The following CCDC88C variants were observed in gnomAD, a reference collection of about 807,000 sequenced individuals.
CCDC88C encodes coiled-coil and HOOK domain protein 88C, also known as protein Daple.
In CCDC88C, 131 loss-of-function variants were observed where a neutral mutation model predicts 198.8. The observed-to-expected ratio is 0.66, with a 90% CI of 0.57 to 0.76. The LOEUF (loss-of-function observed/expected upper bound fraction) is 0.76. Among genes scored for constraint, CCDC88C ranks in the 30% least tolerant of loss-of-function variants. The probability of loss-of-function intolerance (pLI) is 0.00; values close to 1 mark genes in which losing one functional copy is unlikely to be tolerated. For missense variants in CCDC88C, 2,553 were observed against 2,631.6 expected, an observed-to-expected ratio of 0.97 and a Z score of 0.65; for synonymous variants, 1,166 against 1,114.7, an observed-to-expected ratio of 1.05 and a Z score of -0.92.
chr14:91,299,202 C>T (rs1423058379), intron 21 of CCDC88C, among the ~76,000 whole-genome samples: 1 of 152,222 alleles, frequency 6.6e-6, no homozygotes, highest in Non-Finnish European at 1.5e-5. Context: ...TCACAGCCAA[C>T]AGCACTATAA....
In CCDC88C at chr14:91,281,534, A is replaced by G; in HGVS notation, c.4631-9T>C. The G allele has an allele frequency of 6.2e-7, 1 of 1,613,428 alleles. No individual in the cohort carries two copies. Among genetic ancestry groups the G allele is most frequent in the Non-Finnish European group, 8.5e-7 (1 of 1,179,418 alleles). ...GTCATCTGAGTTATAGCCTAAGGTGAAAATAAGGCTAGTGAGTCATGGTTA... is the reference window on the plus strand; with the variant it reads ...GTCATCTGAGTTATAGCCTAAGGTGGAAATAAGGCTAGTGAGTCATGGTTA... On this transcript the variant is annotated splice_polypyrimidine_tract_variant and intron_variant, in intron 26 of 29. Transcript: ENST00000389857.
intron 28 of CCDC88C, among the ~76,000 whole-genome samples, chr14:91,278,729 CG>C (rs1567046239): frequency 6.6e-6 from 1 of 152,062 alleles, no homozygotes; most frequent in Admixed American, 6.5e-5. Flanking sequence ...CAGTGCTGCT[CG>C]GGGGAGAAGG....
rs2139772434 is a variant in CCDC88C at position 91,300,015 on chromosome 14, T to C, written c.3691A>G (p.Thr1231Ala). 1.2e-6 allele frequency: 2 copies of C among 1,604,088 alleles called. No individual in the cohort carries two copies. Among genetic ancestry groups the C allele is most frequent in the Non-Finnish European group, 1.7e-6 (2 of 1,175,628 alleles). ...TGCTGCAGCGCCTCTCGCTCAGTGGTCAAGACCTTCTCCCGCTCCTCCAGC... is the reference window on the plus strand; with the variant it reads ...TGCTGCAGCGCCTCTCGCTCAGTGGCCAAGACCTTCTCCCGCTCCTCCAGC... ...AELEEREKVL[T>A]TEREALQQEQ... The change falls in exon 21 of 30, where the codon ACC (threonine) becomes GCC (alanine). Residue 1231 changes from threonine (T) to alanine (A), a missense_variant. Physicochemically the swap from Thr to Ala is moderately conservative, Grantham distance 58. Transcript: ENST00000389857.
chr14:91,402,328 C>T (rs953217218), intron 3 of CCDC88C, among the ~76,000 whole-genome samples: 6 of 152,214 alleles, frequency 3.9e-5, no homozygotes, highest in African/African-American at 1.4e-4. Context: ...TTTCCTTCTT[C>T]AAACAAAATG....
chr14:91,290,259 G>A lies in CCDC88C; in HGVS notation c.4202+736C>T, dbSNP rs181418420. Among the ~76,000 whole-genome samples the A allele has an allele frequency of 1.2e-4, 18 of 152,342 alleles. No homozygotes were observed. In the South Asian group the frequency reaches 1.7e-3, roughly 14 times the overall value. On this transcript the variant is annotated intron_variant, in intron 24 of 29. Coordinates refer to ENST00000389857, the MANE Select transcript of CCDC88C (RefSeq NM_001080414.4). The stretch of plus-strand genomic sequence containing the variant: ...TGCACTCCAACCTGGATGTCACAGC[G>A]AGACTCCGTCTCAAAACAAAACAAA...
At chr14:91,379,025 T>C (rs1251470085) in intron 3 of CCDC88C, 1 of 152,186 alleles carries the variant, frequency 6.6e-6, no homozygotes, top group Non-Finnish European at 1.5e-5. Flanking sequence ...GTACGGTGTG[T>C]GGATGTGGAA....
intron 12 of CCDC88C, among the ~76,000 whole-genome samples, chr14:91,322,903 TC>T (rs1477651768): frequency 1.8e-5 from 2 of 112,930 alleles, no homozygotes; most frequent in Non-Finnish European, 4.3e-5. Context: ...CCAGTGTTTC[TC>T]TTTTTTTTTT....
intron 3 of CCDC88C, among the ~76,000 whole-genome samples, chr14:91,407,495 G>A (rs994559224): frequency 2.0e-5 from 3 of 152,208 alleles, no homozygotes; most frequent in Non-Finnish European, 4.4e-5. Context: ...GCGTGAATCT[G>A]GGAGGCAGTT....
At position 91,278,094 on chromosome 14, in the gene CCDC88C, C is replaced by T. The variant is rs1890040775; in HGVS notation, c.4886G>A (p.Gly1629Asp). ...CCGAGGCAAGGGGTACTCGTGGCGG[C>T]CGAGGGCGTTGCGTCCCGGTGTGCT... Reference protein sequence around the residue: ...EASTPGRNALGRHEYPLPRNG... With the variant: ...EASTPGRNALDRHEYPLPRNG... Residue 1629 changes from glycine (G) to aspartate (D), a missense_variant, in exon 29 of 30, where the codon GGC (glycine) becomes GAC (aspartate). Gly to Asp is a moderately conservative substitution (Grantham distance 94, BLOSUM62 -1). This residue lies in a region of CCDC88C where 1,293 missense variants were observed against 1,219.6 expected (regional missense o/e 1.06). Transcript: ENST00000389857. The T allele has an allele frequency of 6.2e-7, 1 of 1,612,616 alleles. No individual in the cohort carries two copies. The highest frequency in any genetic ancestry group is 8.5e-7 in the Non-Finnish European group (1 of 1,179,454).
chr14:91,274,688 C>T (rs867757317), intron 29 of CCDC88C, among the ~76,000 whole-genome samples: 20 of 152,188 alleles, frequency 1.3e-4, no homozygotes, highest in African/African-American at 4.3e-4. Context: ...CAGTAAGACC[C>T]GTGATATCAC....
chr14:91,366,987 C>T (rs1274756174), intron 3 of CCDC88C, among the ~76,000 whole-genome samples: 2 of 152,194 alleles, frequency 1.3e-5, no homozygotes, highest in South Asian at 4.1e-4. Flanking sequence ...GTGGAAACAC[C>T]GTTCTGTGCA....
chr14:91,324,313 A>G (rs1323699257), intron 12 of CCDC88C, among the ~76,000 whole-genome samples: 1 of 152,222 alleles, frequency 6.6e-6, no homozygotes, highest in East Asian at 1.9e-4. Flanking sequence ...GCAGCCACTC[A>G]GCACCCTCCC....
At chr14:91,329,115 T>C (rs1011101045) in intron 10 of CCDC88C, among the ~76,000 whole-genome samples, 2 of 152,218 alleles carry the variant, frequency 1.3e-5, no homozygotes, top group Non-Finnish European at 2.9e-5. Flanking sequence ...CTCTGAACCC[T>C]ACCTGCTCAT....
chr14:91,329,684 CAATT>C (rs1278632542), intron 10 of CCDC88C, among the ~76,000 whole-genome samples: 1 of 152,230 alleles, frequency 6.6e-6, no homozygotes, highest in Non-Finnish European at 1.5e-5. Context: ...ATTAATTAAT[CAATT>C]GTCAGTTTCC....
chr14:91,302,109 G>T lies in CCDC88C; in HGVS notation c.3635+1592C>A, dbSNP rs569346427. On this transcript the variant is annotated intron_variant, in intron 20 of 29. Transcript: ENST00000389857. ...GACAAAAAGGAAGCACTTGGCAAGT[G>T]AATAAATGAATGTCATCACCACCCA... is the stretch of plus-strand genomic sequence containing the variant. Among the ~76,000 whole-genome samples, 31 of 152,284 alleles carry T rather than the reference G, an allele frequency of 2.0e-4. No homozygotes were observed. In the South Asian group the frequency reaches 4.8e-3, roughly 23 times the overall value.
rs141300137 is a variant in CCDC88C at position 91,305,759 on chromosome 14, G to A, written c.3357+6C>T. Reference sequence around the variant, plus strand: ...TGTGACCACTGGTGTTGGGAGCCCCGCTCACCTGCAGCTTGGCGGTCTGGG... The same window carrying A: ...TGTGACCACTGGTGTTGGGAGCCCCACTCACCTGCAGCTTGGCGGTCTGGG... On this transcript the variant is annotated splice_donor_region_variant and intron_variant, in intron 19 of 29. Transcript: ENST00000389857. The A allele has an allele frequency of 1.0e-4, 163 of 1,596,136 alleles. 1 individual carries two copies. The East Asian group carries it at 2.6e-3, about 25-fold the overall frequency.
chr14:91,303,630 T>C (rs1891424581), intron 20 of CCDC88C, 71 bp downstream of exon 20: 7 of 1,184,392 alleles, frequency 5.9e-6, no homozygotes, highest in African/African-American at 1.7e-5. Context: ...AGGCCCCACC[T>C]TTCCCCCTGG....
chr14:91,382,443 T>C (rs1596138587), intron 3 of CCDC88C, among the ~76,000 whole-genome samples: 1 of 152,320 alleles, frequency 6.6e-6, no homozygotes, highest in South Asian at 2.1e-4. Context: ...GACTCTAAAT[T>C]GGCCTTCTTT....
intron 13 of CCDC88C, among the ~76,000 whole-genome samples, chr14:91,318,456 A>G (rs1892201840): frequency 6.6e-6 from 1 of 152,160 alleles, no homozygotes; most frequent in Non-Finnish European, 1.5e-5. Context: ...CTGCACCAGA[A>G]GATGTGGCAT....
Sources: allele counts gnomAD v4.1 joint callset (sites outside exome capture counted in the v4.1 genomes callset), GRCh38; gene constraint gnomAD v4.1.1; regional missense constraint gnomAD v4.1.1; transcripts MANE v1.5; gene names NCBI Gene and HGNC (gene_info 2026-07-23, HGNC 2026-07-21).